Variants in WSCD2 observed in about 807,000 individuals in gnomAD.
The protein encoded by WSCD2 is sialate:O-sulfotransferase 2.
WSCD2 carries 28 observed loss-of-function variants against 55.7 expected under a neutral mutation model. The observed-to-expected ratio is 0.50, with a 90% CI of 0.37 to 0.69. WSCD2 has a LOEUF of 0.69. WSCD2 is among the 30% of genes least tolerant of loss of function. The pLI, the probability that WSCD2 is intolerant of heterozygous loss-of-function variation, is 0.00. For missense variants in WSCD2, 616 were observed against 762.1 expected, an observed-to-expected ratio of 0.81 and a Z score of 2.26; for synonymous variants, 301 against 301.9, an observed-to-expected ratio of 1.00 and a Z score of 0.03.
chr12:108,138,639 C>T (rs544247138), intron 1 of WSCD2, among the ~76,000 whole-genome samples: 1 of 152,324 alleles, frequency 6.6e-6, no homozygotes, highest in African/African-American at 2.4e-5. Context: ...TTCTTCCTAG[C>T]ACTAATGTGT....
chr12:108,190,209 C>A (rs1882988521), intron 1 of WSCD2, among the ~76,000 whole-genome samples: 1 of 152,178 alleles, frequency 6.6e-6, no homozygotes, highest in Non-Finnish European at 1.5e-5. Flanking sequence ...CAACAAACAC[C>A]AGTGACTTCT....
At chr12:108,226,410 T>C (rs539986166) in intron 5 of WSCD2, among the ~76,000 whole-genome samples, 1 of 152,128 alleles carries the variant, frequency 6.6e-6, no homozygotes, top group Admixed American at 6.5e-5. Context: ...AGACAGCTTT[T>C]CCCAAAGCAT....
At chr12:108,175,615 G>A (rs1304132344) in intron 1 of WSCD2, among the ~76,000 whole-genome samples, 3 of 152,196 alleles carry the variant, frequency 2.0e-5, no homozygotes, top group African/African-American at 7.2e-5. Context: ...TACTGCTCTG[G>A]GAGCAAAGCA....
chr12:108,247,514 G>C (rs1238570058), intron 8 of WSCD2, among the ~76,000 whole-genome samples: 1 of 152,116 alleles, frequency 6.6e-6, no homozygotes, highest in Non-Finnish European at 1.5e-5. Context: ...AAGTATCGGG[G>C]TGTGTTTAGA....
chr12:108,179,868 A>G (rs1385150028), intron 1 of WSCD2, among the ~76,000 whole-genome samples: 2 of 152,178 alleles, frequency 1.3e-5, no homozygotes, highest in Non-Finnish European at 2.9e-5. Context: ...ATTAGAAATT[A>G]TGCATTTCAA....
intron 1 of WSCD2, among the ~76,000 whole-genome samples, chr12:108,153,577 G>T (rs1172283731): frequency 3.3e-5 from 5 of 152,216 alleles, no homozygotes; most frequent in African/African-American, 1.2e-4. Flanking sequence ...GTTAGCAGTA[G>T]TGGGGAGCTA....
intron 1 of WSCD2, among the ~76,000 whole-genome samples, chr12:108,158,981 C>T (rs987427511): frequency 6.6e-6 from 1 of 152,202 alleles, no homozygotes; most frequent in Non-Finnish European, 1.5e-5. Flanking sequence ...TCTGTAACAT[C>T]TTGCACACTA....
intron 1 of WSCD2, among the ~76,000 whole-genome samples, chr12:108,179,171 CCAG>C (rs1318445496): frequency 6.6e-6 from 1 of 151,720 alleles, no homozygotes; most frequent in Non-Finnish European, 1.5e-5. Context: ...AGTCCCTGGA[CCAG>C]CAGCATCAAC....
chr12:108,167,172 C>T (rs1016854692), intron 1 of WSCD2, among the ~76,000 whole-genome samples: 2 of 151,992 alleles, frequency 1.3e-5, no homozygotes, highest in African/African-American at 2.4e-5. Context: ...TTGCTCGTCT[C>T]GTAAGTGGGA....
intron 7 of WSCD2, among the ~76,000 whole-genome samples, chr12:108,236,560 C>T (rs373754029): frequency 4.7e-5 from 7 of 150,348 alleles, no homozygotes; most frequent in Admixed American, 1.3e-4. Context: ...TGCCATCTGG[C>T]GCTCTTTCTC....
At chr12:108,200,895 G>A (rs1329419838) in intron 2 of WSCD2, among the ~76,000 whole-genome samples, 6 of 152,092 alleles carry the variant, frequency 3.9e-5, no homozygotes, top group Non-Finnish European at 4.4e-5. Context: ...AAATTCCATC[G>A]CCGGTACAAG....
At chr12:108,207,580 G>C (rs1885573209) in intron 3 of WSCD2, among the ~76,000 whole-genome samples, 1 of 143,744 alleles carries the variant, frequency 7.0e-6, no homozygotes, top group African/African-American at 2.7e-5. Context: ...GTAGAGAAAG[G>C]GTTTCACCAT....
Position 108,130,812 on chromosome 12 carries a change from G to A in WSCD2, c.-552+886G>A, listed in dbSNP as rs1408803528. Among the ~76,000 whole-genome samples the A allele has an allele frequency of 2.0e-5, 3 of 152,060 alleles. 1 individual carries two copies. The South Asian group carries it at 6.2e-4, about 32-fold the overall frequency. ...GGGCTGGAAGGGCCACGTGGAGAGG[G>A]CCTCCTGACATTCTCATCCCCACAC... On this transcript the variant is annotated intron_variant, in intron 1 of 8. Transcript: ENST00000547525.
At chr12:108,178,620 C>A (rs1881218606) in intron 1 of WSCD2, among the ~76,000 whole-genome samples, 1 of 152,170 alleles carries the variant, frequency 6.6e-6, no homozygotes, top group African/African-American at 2.4e-5. Context: ...TAAGCTAAGG[C>A]CTATACTACA....
chr12:108,196,161 C>T lies in WSCD2; in HGVS notation c.329C>T (p.Ala110Val), dbSNP rs1268286514. ...GCCAAGCTTGGCGACTACGGTGGAG[C>T]CTGGAGCCGAGCCCTCAAGGGGAGG... ...ERAKLGDYGG[A>V]WSRALKGRVV... is the part of the protein sequence containing the mutation. The change falls in exon 2 of 9, where the codon GCC becomes GTC. Residue 110 changes from alanine (A) to valine (V), a missense_variant. By Grantham distance (64) the Ala-to-Val change is moderately conservative. Around this residue, in one of 3 missense-constraint regions of WSCD2, gnomAD observed 374 missense variants for 467.4 expected, o/e 0.80. Coordinates refer to ENST00000547525, the MANE Select transcript of WSCD2 (RefSeq NM_014653.4). 1 of 1,613,908 alleles carries T rather than the reference C, an allele frequency of 6.2e-7. No homozygotes were observed. The highest frequency in any genetic ancestry group is 8.5e-7 in the Non-Finnish European group (1 of 1,180,000).
chr12:108,191,690 A>G (rs1480494789), intron 1 of WSCD2, among the ~76,000 whole-genome samples: 2 of 152,120 alleles, frequency 1.3e-5, no homozygotes, highest in Admixed American at 1.3e-4. Flanking sequence ...CTATGTATCA[A>G]ATAGCCTTAT....
chr12:108,243,626 G>A (rs1479706781), intron 8 of WSCD2, among the ~76,000 whole-genome samples: 1 of 152,176 alleles, frequency 6.6e-6, no homozygotes, highest in Non-Finnish European at 1.5e-5. Flanking sequence ...TCAAAATGTG[G>A]CCTGTGGACC....
At chr12:108,238,456 C>T (rs1276611609) in intron 7 of WSCD2, among the ~76,000 whole-genome samples, 1 of 152,216 alleles carries the variant, frequency 6.6e-6, no homozygotes, top group Non-Finnish European at 1.5e-5. Flanking sequence ...CCAGTCTTCA[C>T]CTCCATCCAT....
intron 6 of WSCD2, among the ~76,000 whole-genome samples, chr12:108,227,396 C>A (rs1386731761): frequency 6.6e-6 from 1 of 152,196 alleles, no homozygotes; most frequent in African/African-American, 2.4e-5. Context: ...CACTGAGGAC[C>A]CTTGGTGGCT....
Sources: gnomAD v4.1 joint callset for allele counts (sites outside exome capture counted in the v4.1 genomes callset) on GRCh38, gnomAD v4.1.1 for gene constraint, gnomAD v4.1.1 regional missense constraint, MANE v1.5 for transcripts, NCBI Gene and HGNC (gene_info 2026-07-23, HGNC 2026-07-21) for gene names.